NRP1: variants seen among roughly 807,000 people sequenced by gnomAD.
The protein encoded by NRP1 is neuropilin-1.
In NRP1, 35 loss-of-function variants were observed where a neutral mutation model predicts 106.7. The observed-to-expected ratio is 0.33, with a 90% CI of 0.25 to 0.43. NRP1 has a LOEUF of 0.43. Among genes scored for constraint, NRP1 ranks in the 20% least tolerant of loss-of-function variants. The probability of loss-of-function intolerance (pLI) is 1.00; values close to 1 mark genes in which losing one functional copy is unlikely to be tolerated. For synonymous variants in NRP1, 437 were observed against 417.9 expected, an observed-to-expected ratio of 1.05 and a Z score of -0.56; for missense variants, 1,024 against 1,170.4, an observed-to-expected ratio of 0.87 and a Z score of 1.83.
chr10:33,334,352 C>T lies in NRP1; in HGVS notation c.31G>A (p.Val11Met). The T allele has an allele frequency of 6.5e-7, 1 of 1,546,838 alleles. No individual in the cohort carries two copies. The highest frequency in any genetic ancestry group is 8.7e-7 in the Non-Finnish European group (1 of 1,147,488). The change falls in exon 1 of 17, where the codon GTG (valine) becomes ATG (methionine). Residue 11 changes from valine to methionine, a missense_variant. Coordinates refer to ENST00000374867, the MANE Select transcript of NRP1 (RefSeq NM_003873.7). MERGLPLLCA[V>M]LALVLAPAGA... is the part of the protein sequence containing the mutation. The stretch of plus-strand genomic sequence containing the variant: ...GCCGGGGCGAGGACGAGGGCGAGCA[C>T]GGCGCAGAGGAGCGGCAGCCCCCTC...
chr10:33,206,160 A>T (rs764808676), intron 10 of NRP1: 6 of 514,070 alleles, frequency 1.2e-5, no homozygotes, highest in South Asian at 8.4e-5. Context: ...CCACCTCCTA[A>T]ATCAGCATCG....
At chr10:33,197,505 C>T in intron 12 of NRP1, 145 bp downstream of exon 12, 4 of 513,250 alleles carry the variant, frequency 7.8e-6, no homozygotes, top group Non-Finnish European at 1.4e-5. Flanking sequence ...GAAAGGAAAG[C>T]AATATTTATG....
At chr10:33,268,939 G>A (rs1182500415) in intron 3 of NRP1, among the ~76,000 whole-genome samples, 1 of 152,162 alleles carries the variant, frequency 6.6e-6, no homozygotes, top group Admixed American at 6.5e-5. Context: ...TGGTGTCAGA[G>A]CCAAATATCT....
chr10:33,196,814 A>G (rs74129645), intron 12 of NRP1, among the ~76,000 whole-genome samples: 3,033 of 152,294 alleles, frequency 0.02, 90 homozygotes, highest in African/African-American at 0.067. Context: ...GGAAACATTG[A>G]TATACACCAC....
At chr10:33,312,606 C>A (rs951854592) in intron 2 of NRP1, among the ~76,000 whole-genome samples, 13 of 152,334 alleles carry the variant, frequency 8.5e-5, no homozygotes, top group African/African-American at 2.9e-4. Context: ...CAGGCAACAA[C>A]AAAGTGCCAT....
intron 8 of NRP1, among the ~76,000 whole-genome samples, chr10:33,214,508 C>T (rs1337768483): frequency 6.6e-6 from 1 of 152,106 alleles, no homozygotes; most frequent in Admixed American, 6.5e-5. Context: ...ACTCTTGTTG[C>T]TACCTTCCTT....
At chr10:33,276,719 C>T (rs1016855849) in intron 2 of NRP1, among the ~76,000 whole-genome samples, 18 of 152,194 alleles carry the variant, frequency 1.2e-4, no homozygotes, top group African/African-American at 3.4e-4. Flanking sequence ...CATTAACTAT[C>T]GGTGATTCAT....
chr10:33,303,749 T>C (rs6481845), intron 2 of NRP1, among the ~76,000 whole-genome samples: 107,857 of 152,150 alleles, frequency 0.71, 38,486 homozygotes, highest in Admixed American at 0.76. Flanking sequence ...TTTATTTACA[T>C]TTTAGTTATA....
At chr10:33,272,561 A>C (rs1843382831) in intron 2 of NRP1, among the ~76,000 whole-genome samples, 1 of 152,136 alleles carries the variant, frequency 6.6e-6, no homozygotes, top group African/African-American at 2.4e-5. Flanking sequence ...GGAAGAAGAA[A>C]GCATTATGTT....
chr10:33,305,268 A>G (rs1846068083), intron 2 of NRP1, among the ~76,000 whole-genome samples: 1 of 152,254 alleles, frequency 6.6e-6, no homozygotes, highest in Non-Finnish European at 1.5e-5. Flanking sequence ...AGCTCAAGAT[A>G]TAATGTGGAC....
intron 7 of NRP1, among the ~76,000 whole-genome samples, chr10:33,222,906 G>A (rs962036109): frequency 1.3e-5 from 2 of 152,228 alleles, no homozygotes; most frequent in African/African-American, 4.8e-5. Context: ...AAGGACTCGT[G>A]GGGGCCACTC....
At chr10:33,244,136 G>GCT (rs1379200165) in intron 6 of NRP1, among the ~76,000 whole-genome samples, 2 of 152,114 alleles carry the variant, frequency 1.3e-5, no homozygotes, top group African/African-American at 4.8e-5. Context: ...ACAGGGTTCA[G>GCT]CTCTCTCTCA....
chr10:33,207,927 CATT>C (rs1837936577), intron 9 of NRP1, among the ~76,000 whole-genome samples: 1 of 151,982 alleles, frequency 6.6e-6, no homozygotes, highest in Admixed American at 6.6e-5. Flanking sequence ...TTTATTTATT[CATT>C]ATTATTATTT....
intron 15 of NRP1, among the ~76,000 whole-genome samples, chr10:33,183,348 AAAG>A (rs1179899225): frequency 6.6e-6 from 1 of 152,030 alleles, no homozygotes; most frequent in Non-Finnish European, 1.5e-5. Flanking sequence ...AAAAAAAAAA[AAAG>A]AAGAGAAGGG....
intron 2 of NRP1, among the ~76,000 whole-genome samples, chr10:33,318,856 T>A (rs1588985682): frequency 6.6e-6 from 1 of 150,564 alleles, no homozygotes; most frequent in East Asian, 2.0e-4. Flanking sequence ...GGAACTCTAA[T>A]AGAGCCAGGG....
At chr10:33,295,842 T>C (rs1248860169) in intron 2 of NRP1, among the ~76,000 whole-genome samples, 1 of 152,192 alleles carries the variant, frequency 6.6e-6, no homozygotes, top group Non-Finnish European at 1.5e-5. Context: ...GCAATAATGA[T>C]GGCTAAAAGG....
At chr10:33,269,057 T>A (rs997516273) in intron 3 of NRP1, among the ~76,000 whole-genome samples, 4 of 152,192 alleles carry the variant, frequency 2.6e-5, no homozygotes, top group African/African-American at 9.6e-5. Flanking sequence ...TTGAAATTGA[T>A]GTAGTTAGTT....
At chr10:33,308,384 CAT>C (rs1334935827) in intron 2 of NRP1, among the ~76,000 whole-genome samples, 2 of 149,124 alleles carry the variant, frequency 1.3e-5, no homozygotes, top group East Asian at 1.9e-4. Flanking sequence ...TATATATATA[CAT>C]ATATATGTAT....
chr10:33,179,138 G>A lies in NRP1; in HGVS notation c.*938C>T, dbSNP rs1321529822. On this transcript the variant is annotated 3_prime_UTR_variant, in exon 17 of 17. Transcript: ENST00000374867. ...ATGAAATTGAACTACAGAAAAAGCA[G>A]AACAATTAAGCCACGTTGCCAAATC... 3 of 152,648 alleles carry A rather than the reference G, an allele frequency of 2.0e-5. No individual in the cohort carries two copies. Among genetic ancestry groups the A allele is most frequent in the Non-Finnish European group, 4.4e-5 (3 of 68,040 alleles). The allele number at this position is 152,648 out of a possible 1,614,324, so 9.5% of individuals were successfully genotyped here.
Sources: allele counts gnomAD v4.1 joint callset (sites outside exome capture counted in the v4.1 genomes callset), GRCh38; gene constraint gnomAD v4.1.1; transcripts MANE v1.5; gene names NCBI Gene and HGNC (gene_info 2026-07-23, HGNC 2026-07-21).